The following CPQ variants were observed in gnomAD, a reference collection of about 807,000 sequenced individuals.
The protein encoded by CPQ is Ser-Met dipeptidase.
CPQ carries 37 observed loss-of-function variants against 45.7 expected under a neutral mutation model. The ratio of observed to expected loss-of-function variants is 0.81; its 90% CI spans 0.62 to 1.07. The LOEUF (loss-of-function observed/expected upper bound fraction) is 1.07, where lower values mean the gene tolerates loss of function less well. Ranked by LOEUF, CPQ falls within the 50% of genes least tolerant of loss-of-function variation. CPQ has a pLI of 0.00. For synonymous variants in CPQ, 186 were observed against 205.8 expected, an observed-to-expected ratio of 0.90 and a Z score of 0.82; for missense variants, 537 against 572.9, an observed-to-expected ratio of 0.94 and a Z score of 0.64.
chr8:97,110,801 T>C (rs1006669382), intron 7 of CPQ, among the ~76,000 whole-genome samples: 4 of 152,130 alleles, frequency 2.6e-5, no homozygotes, highest in Non-Finnish European at 5.9e-5. Context: ...CAGAATAGGA[T>C]AATATGGAAT....
At chr8:96,941,007 A>G (rs1043643602) in intron 4 of CPQ, among the ~76,000 whole-genome samples, 1 of 152,144 alleles carries the variant, frequency 6.6e-6, no homozygotes, top group African/African-American at 2.4e-5. Flanking sequence ...ACCCTCCCAT[A>G]TAAGTAAGAG....
chr8:96,723,606 T>C (rs531431061), intron 1 of CPQ, among the ~76,000 whole-genome samples: 77 of 152,292 alleles, frequency 5.1e-4, no homozygotes, highest in Middle Eastern at 3.4e-3. Flanking sequence ...AGTACCTTTT[T>C]AGTATCCTTG....
At chr8:96,664,679 G>A (rs113858436) in intron 1 of CPQ, among the ~76,000 whole-genome samples, 2 of 152,116 alleles carry the variant, frequency 1.3e-5, no homozygotes, top group African/African-American at 4.8e-5. Context: ...GAGGAGTAAG[G>A]GTAAAGGCGT....
At chr8:96,970,864 C>T (rs1813662323) in intron 5 of CPQ, among the ~76,000 whole-genome samples, 1 of 152,120 alleles carries the variant, frequency 6.6e-6, no homozygotes, top group South Asian at 2.1e-4. Flanking sequence ...CGCCCGGCCA[C>T]TCTTAAGTAC....
intron 4 of CPQ, among the ~76,000 whole-genome samples, chr8:96,965,144 A>G (rs1418937271): frequency 2.0e-5 from 3 of 152,094 alleles, no homozygotes; most frequent in Non-Finnish European, 4.4e-5. Flanking sequence ...AAATCCAGCT[A>G]TTTATTTATT....
Position 96,770,594 on chromosome 8 carries a change from T to C in CPQ, c.-34-14270T>C, listed in dbSNP as rs147034613. ...TCCAATATGGTAGGAGAGGTGAGCCTGGAATTGCCCTTTTTACATATCCTG... is the reference window on the plus strand; with the variant it reads ...TCCAATATGGTAGGAGAGGTGAGCCCGGAATTGCCCTTTTTACATATCCTG... On this transcript the variant is annotated intron_variant, in intron 1 of 7. Coordinates refer to ENST00000220763, the MANE Select transcript of CPQ (RefSeq NM_016134.4). Among the ~76,000 whole-genome samples the C allele has an allele frequency of 3.3e-3, 505 of 151,884 alleles. 3 individuals are homozygous for C. Among genetic ancestry groups the C allele is most frequent in the African/African-American group, 0.011 (475 of 41,482 alleles).
chr8:96,967,648 G>T (rs1395813896), intron 5 of CPQ, among the ~76,000 whole-genome samples: 1 of 151,976 alleles, frequency 6.6e-6, no homozygotes, highest in African/African-American at 2.4e-5. Flanking sequence ...CTTTAATTTG[G>T]GACTTAAATC....
chr8:96,846,332 T>A lies in CPQ; in HGVS notation c.641+11152T>A, dbSNP rs182534979. Reference sequence around the variant, plus strand: ...GGCTTTTGCCCATCTATAATTTTTTTAAAAATTACTGAGTGGTAGGAGTTC... The same window carrying A: ...GGCTTTTGCCCATCTATAATTTTTTAAAAAATTACTGAGTGGTAGGAGTTC... On this transcript the variant is annotated intron_variant, in intron 3 of 7. Transcript: ENST00000220763. 4.8e-3 allele frequency among the ~76,000 whole-genome samples: 736 copies of A among 152,300 alleles called. 10 individuals carry two copies. Among genetic ancestry groups the A allele is most frequent in the African/African-American group, 0.016 (657 of 41,568 alleles).
chr8:96,722,230 T>G (rs552125880), intron 1 of CPQ, among the ~76,000 whole-genome samples: 10 of 152,332 alleles, frequency 6.6e-5, no homozygotes, highest in Non-Finnish European at 1.3e-4. Flanking sequence ...TTCATATGAT[T>G]GCTCTTTAAA....
intron 4 of CPQ, among the ~76,000 whole-genome samples, chr8:96,907,619 T>C (rs1274917210): frequency 6.6e-6 from 1 of 152,108 alleles, no homozygotes; most frequent in South Asian, 2.1e-4. Flanking sequence ...CTTCACTAAT[T>C]GGCCAGAGCT....
intron 1 of CPQ, among the ~76,000 whole-genome samples, chr8:96,673,698 T>A (rs1376381086): frequency 6.6e-6 from 1 of 152,132 alleles, no homozygotes; most frequent in Non-Finnish European, 1.5e-5. Context: ...AAGATGGGAC[T>A]TGTGGGACAT....
At chr8:96,814,940 T>C (rs1049708719) in intron 2 of CPQ, among the ~76,000 whole-genome samples, 1 of 152,110 alleles carries the variant, frequency 6.6e-6, no homozygotes, top group Admixed American at 6.6e-5. Flanking sequence ...ATATAAAATG[T>C]ATAGAATAGG....
At chr8:96,866,962 C>T (rs1812004074) in intron 3 of CPQ, among the ~76,000 whole-genome samples, 1 of 152,090 alleles carries the variant, frequency 6.6e-6, no homozygotes. Context: ...ATACATTTGC[C>T]TACTTCAAAG....
At chr8:96,926,593 CT>C (rs1812887513) in intron 4 of CPQ, among the ~76,000 whole-genome samples, 1 of 144,466 alleles carries the variant, frequency 6.9e-6, no homozygotes, top group Non-Finnish European at 1.5e-5. Context: ...TCTTCTTCTT[CT>C]TCTTCTTCTT....
At chr8:97,125,804 A>G (rs1811837246) in intron 7 of CPQ, among the ~76,000 whole-genome samples, 1 of 152,208 alleles carries the variant, frequency 6.6e-6, no homozygotes, top group South Asian at 2.1e-4. Context: ...ACGATGGGGA[A>G]TAAGACAAAG....
chr8:96,966,521 T>C (rs1254373020), intron 5 of CPQ, among the ~76,000 whole-genome samples: 6 of 152,198 alleles, frequency 3.9e-5, no homozygotes, highest in African/African-American at 1.4e-4. Context: ...AGATAATTCT[T>C]TGTTGCAAGG....
rs528788679 is a variant in CPQ, at chr8:97,138,234, C to G, written c.1256-4786C>G. Among the ~76,000 whole-genome samples, 160 of 152,294 alleles carry G rather than the reference C, an allele frequency of 1.1e-3. 1 individual carries two copies. In the South Asian group the frequency reaches 0.011, roughly 10 times the overall value. On this transcript the variant is annotated intron_variant, in intron 7 of 7. Coordinates refer to ENST00000220763, the MANE Select transcript of CPQ (RefSeq NM_016134.4). ...TGCCAATAATTAGCCCAAGTTACCC[C>G]CCAGTGTCAACCAAACTGGAACGCT...
intron 4 of CPQ, among the ~76,000 whole-genome samples, chr8:96,883,797 G>A (rs1812262793): frequency 6.6e-6 from 1 of 152,154 alleles, no homozygotes; most frequent in Non-Finnish European, 1.5e-5. Flanking sequence ...CACTGTTATG[G>A]TGTCATCTCC....
intron 1 of CPQ, among the ~76,000 whole-genome samples, chr8:96,717,024 AATATATATATATATATATATAT>A (rs58338307): frequency 0.26 from 14,817 of 56,636 alleles, 1,843 homozygotes; most frequent in Middle Eastern, 0.33. Flanking sequence ...CCATGATATA[AATATATATATATATATATATAT>A]ATATATATAT....
Sources: gnomAD v4.1 joint callset for allele counts (sites outside exome capture counted in the v4.1 genomes callset) on GRCh38, gnomAD v4.1.1 for gene constraint, MANE v1.5 for transcripts, NCBI Gene and HGNC (gene_info 2026-07-23, HGNC 2026-07-21) for gene names.